Variants in GBF1 observed in about 807,000 individuals in gnomAD.
GBF1 encodes Golgi-specific brefeldin A-resistance guanine nucleotide exchange factor 1.
A neutral mutation model predicts 210.5 loss-of-function variants in GBF1; 114 were observed. The ratio of observed to expected loss-of-function variants is 0.54; its 90% CI spans 0.47 to 0.63. The LOEUF (loss-of-function observed/expected upper bound fraction) is 0.63, where lower values mean the gene tolerates loss of function less well. Ranked by LOEUF, GBF1 falls within the 30% of genes least tolerant of loss-of-function variation. The probability of loss-of-function intolerance (pLI) is 0.00; values close to 1 mark genes in which losing one functional copy is unlikely to be tolerated. For missense variants in GBF1, 1,851 were observed against 2,357.7 expected, an observed-to-expected ratio of 0.79 and a Z score of 4.45; for synonymous variants, 850 against 889.2, an observed-to-expected ratio of 0.96 and a Z score of 0.78.
intron 1 of GBF1, among the ~76,000 whole-genome samples, chr10:102,252,426 C>G (rs2071674105): frequency 6.6e-6 from 1 of 151,796 alleles, no homozygotes; most frequent in African/African-American, 2.4e-5. Context: ...ATTCTGACTC[C>G]CTCATTGACT....
In GBF1 at chr10:102,358,267, A is replaced by G. The variant is rs1194391873; in HGVS notation, c.787+81A>G. 6 of 1,285,172 alleles carry G rather than the reference A, an allele frequency of 4.7e-6. No homozygotes were observed. The African/African-American group carries it at 8.9e-5, about 19-fold the overall frequency. 79.6% of individuals were successfully genotyped at this position (1,285,172 alleles called of 1,614,324 possible). ...TTAGGGATTTTGAAATTGAAGACCA[A>G]CCAACTGAGGGGCTTTGGTCTTGGC... is the stretch of plus-strand genomic sequence containing the variant. On this transcript the variant is annotated intron_variant, in intron 9 of 39. Coordinates refer to ENST00000369983, the MANE Select transcript of GBF1 (RefSeq NM_001377137.1).
chr10:102,312,241 T>C (rs560669292), intron 3 of GBF1, among the ~76,000 whole-genome samples: 1 of 150,104 alleles, frequency 6.7e-6, no homozygotes, highest in Non-Finnish European at 1.5e-5. Flanking sequence ...TGCGGTGAGC[T>C]GAGATCTTAC....
chr10:102,287,344 C>CTTTTTTT lies in GBF1; in HGVS notation c.163+27249_163+27255dup, dbSNP rs763880492. On this transcript the variant is annotated intron_variant, in intron 3 of 39. Transcript: ENST00000369983. ...CACACAGTTTCTTTTATTTTATTTT[C>CTTTTTTT]TTTTTTTTTTTTTTTTTTTTTTTTT... Among the ~76,000 whole-genome samples, 109 of 69,516 alleles carry CTTTTTTT rather than the reference C, an allele frequency of 1.6e-3. 1 individual carries two copies. Among genetic ancestry groups the CTTTTTTT allele is most frequent in the African/African-American group, 3.0e-3 (44 of 14,768 alleles). 45.6% of individuals were successfully genotyped at this position (69,516 alleles called of 152,430 possible).
Position 102,359,280 on chromosome 10 carries a change from A to C in GBF1, c.1025A>C (p.His342Pro), listed in dbSNP as rs199808158. ...TACTGGTCATAGCAGGAAGGGACCCATGTGGAAAAGTCCCAGTCAGCATCT... is the reference window on the plus strand; with the variant it reads ...TACTGGTCATAGCAGGAAGGGACCCCTGTGGAAAAGTCCCAGTCAGCATCT... Reference protein sequence around the residue: ...EQPDLQQEGTHVEKSQSASVE... With the variant: ...EQPDLQQEGTPVEKSQSASVE... The change falls in exon 11 of 40, where the codon CAT becomes CCT. Residue 342 changes from histidine to proline, a missense_variant. Coordinates refer to ENST00000369983, the MANE Select transcript of GBF1 (RefSeq NM_001377137.1). 35 of 1,611,400 alleles carry C rather than the reference A, an allele frequency of 2.2e-5. No homozygotes were observed. Among genetic ancestry groups the C allele is most frequent in the Non-Finnish European group, 3.0e-5 (35 of 1,177,702 alleles).
upstream of GBF1, chr10:102,241,612 T>G (rs1198050104): frequency 6.6e-6 from 1 of 152,414 alleles, no homozygotes; most frequent in African/African-American, 2.4e-5. The surrounding 1 kb of genome is among the most constrained non-coding windows in gnomAD (Gnocchi z 6.7). Flanking sequence ...CCAGCTGCCC[T>G]GCTGGGGCTC....
chr10:102,233,717 C>A, the GBF1 span, among the ~76,000 whole-genome samples: 1 of 152,226 alleles, frequency 6.6e-6, no homozygotes, highest in African/African-American at 2.4e-5. Flanking sequence ...CCTGCACCGA[C>A]ACACACTGCA....
intron 3 of GBF1, among the ~76,000 whole-genome samples, chr10:102,298,419 G>T (rs183203205): frequency 6.6e-6 from 1 of 152,292 alleles, no homozygotes; most frequent in African/African-American, 2.4e-5. Flanking sequence ...CTCTATATTT[G>T]TAGATCCAGT....
chr10:102,255,434 T>G (rs1310748993), intron 1 of GBF1, among the ~76,000 whole-genome samples: 1 of 152,238 alleles, frequency 6.6e-6, no homozygotes, highest in Non-Finnish European at 1.5e-5. Context: ...TCATTTTTAG[T>G]CAATCAGCTG....
chr10:102,255,193 A>G (rs1004796736), intron 1 of GBF1, among the ~76,000 whole-genome samples: 13 of 151,910 alleles, frequency 8.6e-5, no homozygotes, highest in African/African-American at 3.1e-4. Context: ...GGTGTGTGTC[A>G]CCACACCTGG....
At chr10:102,307,566 G>A (rs1476836590) in intron 3 of GBF1, among the ~76,000 whole-genome samples, 1 of 152,024 alleles carries the variant, frequency 6.6e-6, no homozygotes, top group African/African-American at 2.4e-5. Flanking sequence ...CAAGGCAGGC[G>A]GATCACAAGG....
Position 102,370,473 on chromosome 10 carries a change from G to A in GBF1, c.3501G>A (p.Glu1167=). The change falls in exon 28 of 40, where the codon GAG becomes GAA. Residue 1167 remains glutamate, a synonymous_variant. Transcript: ENST00000369983. ...AGATGCTGCTAAGGATTGTGTTGGA[G>A]AACAGGTAAGATGAGCGTAGTCTTT... ...CLEMLLRIVL[E]NRDRVGCVWQ... The A allele has an allele frequency of 8.7e-6, 14 of 1,607,948 alleles. No homozygotes were observed. Among genetic ancestry groups the A allele is most frequent in the Non-Finnish European group, 9.4e-6 (11 of 1,174,292 alleles).
chr10:102,255,932 C>A (rs1047102591), intron 1 of GBF1, among the ~76,000 whole-genome samples: 4 of 152,198 alleles, frequency 2.6e-5, no homozygotes, highest in Admixed American at 6.5e-5. Flanking sequence ...GGGGAGCTGT[C>A]ATGGGCATGG....
At chr10:102,247,663 T>G (rs974187197) in intron 1 of GBF1, among the ~76,000 whole-genome samples, 1 of 152,212 alleles carries the variant, frequency 6.6e-6, no homozygotes, top group Non-Finnish European at 1.5e-5. Context: ...TTTTTAATCC[T>G]AAATGTCATT....
At chr10:102,249,302 GGAGT>G (rs1298404185) in intron 1 of GBF1, among the ~76,000 whole-genome samples, 2 of 152,158 alleles carry the variant, frequency 1.3e-5, no homozygotes, top group African/African-American at 4.8e-5. Context: ...GCTAAAAGAT[GGAGT>G]GAGATAGAGA....
chr10:102,260,261 A>C (rs1590522459), intron 3 of GBF1, 145 bp downstream of exon 3: 1 of 467,496 alleles, frequency 2.1e-6, no homozygotes, highest in Non-Finnish European at 3.8e-6. Flanking sequence ...CAACTACTTA[A>C]CTCTGCCTTT....
chr10:102,361,825 C>T lies in GBF1; in HGVS notation c.1599C>T (p.Pro533=), dbSNP rs1303146402. ...CCATTGTGCAGCTCTGGCGCATCCC[C>T]AGCTTTGTCACAGAGCTCTACATCA... is the stretch of plus-strand genomic sequence containing the variant. The part of the protein sequence containing the change: ...LEAIVQLWRI[P]SFVTELYINY... The change falls in exon 14 of 40, where the codon CCC becomes CCT. Residue 533 remains proline (P), a synonymous_variant. Transcript: ENST00000369983. 1 of 1,613,576 alleles carries T rather than the reference C, an allele frequency of 6.2e-7. No homozygotes were observed. The highest frequency in any genetic ancestry group is 8.5e-7 in the Non-Finnish European group (1 of 1,179,724).
At chr10:102,372,140 G>C (rs929728936) in intron 29 of GBF1, among the ~76,000 whole-genome samples, 1 of 151,652 alleles carries the variant, frequency 6.6e-6, no homozygotes, top group African/African-American at 2.4e-5. Flanking sequence ...GAACCTGGGA[G>C]GCGGAGGTTG....
At chr10:102,297,579 A>G (rs974727706) in intron 3 of GBF1, among the ~76,000 whole-genome samples, 1 of 152,246 alleles carries the variant, frequency 6.6e-6, no homozygotes, top group African/African-American at 2.4e-5. Flanking sequence ...TAGTCTTTCT[A>G]CTATTCCAGC....
At chr10:102,381,029 C>A in intron 38 of GBF1, 98 bp from the exon 39 acceptor site, 1 of 1,165,800 alleles carries the variant, frequency 8.6e-7, no homozygotes. Context: ...AATTTATTGT[C>A]TGTGCCCTGG....
Sources: gnomAD v4.1 joint callset for allele counts (sites outside exome capture counted in the v4.1 genomes callset) on GRCh38, gnomAD v4.1.1 for gene constraint, Gnocchi (gnomAD v3.1) non-coding constraint, MANE v1.5 for transcripts, NCBI Gene and HGNC (gene_info 2026-07-23, HGNC 2026-07-21) for gene names.